Variants in AHCYL2 observed in about 807,000 individuals in gnomAD.
AHCYL2 encodes the protein S-adenosylhomocysteine hydrolase-like protein 2.
In AHCYL2, 28 loss-of-function variants were observed where a neutral mutation model predicts 81.4. The observed-to-expected ratio is 0.34, with a 90% confidence interval of 0.25 to 0.47. The LOEUF is 0.47. AHCYL2 is among the 20% of genes least tolerant of loss of function. AHCYL2 has a pLI of 1.00. For missense variants in AHCYL2, 551 were observed against 785.1 expected, an observed-to-expected ratio of 0.70 and a Z score of 3.56; for synonymous variants, 272 against 290.2, an observed-to-expected ratio of 0.94 and a Z score of 0.64.
chr7:129,260,815 G>A (rs556452119), intron 1 of AHCYL2, among the ~76,000 whole-genome samples: 1 of 151,990 alleles, frequency 6.6e-6, no homozygotes, highest in South Asian at 2.1e-4. Context: ...TTGAGACGGA[G>A]TCTTGCCCTG....
chr7:129,271,260 C>G (rs1796002187), intron 1 of AHCYL2, among the ~76,000 whole-genome samples: 1 of 149,332 alleles, frequency 6.7e-6, no homozygotes, highest in Non-Finnish European at 1.5e-5. Context: ...ATTCGGGAGG[C>G]TAAGGCAGAA....
chr7:129,389,404 G>A (rs898369460), intron 3 of AHCYL2, among the ~76,000 whole-genome samples: 1 of 149,318 alleles, frequency 6.7e-6, no homozygotes, highest in Non-Finnish European at 1.5e-5. Flanking sequence ...AAAAAAAAAG[G>A]GAGAGAGACT....
At chr7:129,320,819 A>G (rs1797989252) in intron 1 of AHCYL2, among the ~76,000 whole-genome samples, 1 of 152,076 alleles carries the variant, frequency 6.6e-6, no homozygotes, top group Admixed American at 6.5e-5. Flanking sequence ...CCACTAACCT[A>G]CTTTCTGTCT....
intron 1 of AHCYL2, among the ~76,000 whole-genome samples, chr7:129,293,248 T>A (rs1796932512): frequency 6.6e-6 from 1 of 152,204 alleles, no homozygotes; most frequent in Non-Finnish European, 1.5e-5. Flanking sequence ...AAATAATAAA[T>A]GCTAAACTTA....
At chr7:129,280,005 A>G (rs1437449285) in intron 1 of AHCYL2, among the ~76,000 whole-genome samples, 1 of 152,084 alleles carries the variant, frequency 6.6e-6, no homozygotes, top group African/African-American at 2.4e-5. Flanking sequence ...GTGACTAAGA[A>G]TGCCTAGCTT....
At chr7:129,334,710 A>G (rs1798534332) in intron 1 of AHCYL2, among the ~76,000 whole-genome samples, 1 of 152,148 alleles carries the variant, frequency 6.6e-6, no homozygotes, top group Admixed American at 6.5e-5. Context: ...CTTCCTGCTC[A>G]GTAGGGGTAG....
chr7:129,423,972 G>A (rs563820228), intron 13 of AHCYL2, among the ~76,000 whole-genome samples: 1 of 152,236 alleles, frequency 6.6e-6, no homozygotes, highest in Admixed American at 6.5e-5. Context: ...GCCCTAGGAG[G>A]TCCCACCTGG....
intron 1 of AHCYL2, among the ~76,000 whole-genome samples, chr7:129,351,918 ATTAG>A (rs1289218769): frequency 6.6e-6 from 1 of 152,208 alleles, no homozygotes; most frequent in East Asian, 1.9e-4. Flanking sequence ...ATTAATAACC[ATTAG>A]TTATTGTATT....
chr7:129,320,613 T>C (rs1797980530), intron 1 of AHCYL2, among the ~76,000 whole-genome samples: 1 of 152,156 alleles, frequency 6.6e-6, no homozygotes, highest in Admixed American at 6.6e-5. Context: ...CGTCTGGCCT[T>C]ATCACAGTTT....
intron 1 of AHCYL2, among the ~76,000 whole-genome samples, chr7:129,344,277 A>G (rs1341852211): frequency 5.3e-5 from 8 of 152,248 alleles, no homozygotes; most frequent in Non-Finnish European, 1.0e-4. Flanking sequence ...CATTGTTCAC[A>G]TGAAGACCTA....
At chr7:129,378,391 T>C (rs1183419657) in intron 1 of AHCYL2, among the ~76,000 whole-genome samples, 3 of 152,206 alleles carry the variant, frequency 2.0e-5, no homozygotes, top group African/African-American at 7.2e-5. Context: ...TTAGAGTGGC[T>C]ACCTGCAAGA....
intron 1 of AHCYL2, among the ~76,000 whole-genome samples, chr7:129,248,057 A>G (rs559718973): frequency 2.6e-5 from 4 of 152,294 alleles, no homozygotes; most frequent in African/African-American, 4.8e-5. Context: ...TTTTCCCTTC[A>G]TATGGATATC....
At chr7:129,389,554 A>C (rs1351852609) in intron 3 of AHCYL2, 80 bp from the exon 4 acceptor site, 1 of 1,217,990 alleles carries the variant, frequency 8.2e-7, no homozygotes, top group Admixed American at 2.4e-5. Context: ...TCTTAACTTA[A>C]GAAAACAAGT....
At chr7:129,239,854 CAG>C (rs1372966290) in intron 1 of AHCYL2, among the ~76,000 whole-genome samples, 4 of 151,790 alleles carry the variant, frequency 2.6e-5, no homozygotes, top group African/African-American at 7.3e-5. Flanking sequence ...ATATACATAA[CAG>C]AACCCCTGCC....
At chr7:129,411,047 G>A (rs1412959553) in intron 11 of AHCYL2, among the ~76,000 whole-genome samples, 2 of 151,596 alleles carry the variant, frequency 1.3e-5, no homozygotes, top group Admixed American at 6.6e-5. Flanking sequence ...TTATAGGTGT[G>A]AGCCACCCTG....
At chr7:129,382,065 C>G (rs568992350) in intron 2 of AHCYL2, among the ~76,000 whole-genome samples, 1 of 152,210 alleles carries the variant, frequency 6.6e-6, no homozygotes, top group South Asian at 2.1e-4. Flanking sequence ...TAGGAGAGAC[C>G]TAGTTTCTAG....
At chr7:129,277,706 G>A (rs1796273932) in intron 1 of AHCYL2, among the ~76,000 whole-genome samples, 1 of 152,200 alleles carries the variant, frequency 6.6e-6, no homozygotes, top group African/African-American at 2.4e-5. Context: ...GGAGAGGGGA[G>A]TGGGGTAATT....
intron 12 of AHCYL2, among the ~76,000 whole-genome samples, chr7:129,418,981 CTG>C (rs1051909391): frequency 5.5e-4 from 84 of 152,140 alleles, no homozygotes; most frequent in East Asian, 2.9e-3. Context: ...CTCAGTGAAA[CTG>C]TGGGAGAATG....
chr7:129,356,669 T>C (rs1046461224), intron 1 of AHCYL2, among the ~76,000 whole-genome samples: 1 of 152,210 alleles, frequency 6.6e-6, no homozygotes, highest in Admixed American at 6.5e-5. Flanking sequence ...CCAGAAAAAT[T>C]AGAAAACAGA....
Sources: allele counts gnomAD v4.1 joint callset (sites outside exome capture counted in the v4.1 genomes callset), GRCh38; gene constraint gnomAD v4.1.1; transcripts MANE v1.5; gene names NCBI Gene and HGNC (gene_info 2026-07-23, HGNC 2026-07-21).